Variants in TF observed in about 807,000 individuals in gnomAD.
TF encodes the protein transferrin, also known as serotransferrin.
A neutral mutation model predicts 82.4 loss-of-function variants in TF; 55 were observed. The ratio of observed to expected loss-of-function variants is 0.67; its 90% CI spans 0.54 to 0.84. The LOEUF (loss-of-function observed/expected upper bound fraction) is 0.84, where lower values mean the gene tolerates loss of function less well. TF is among the 40% of genes least tolerant of loss of function. The pLI, the probability that TF is intolerant of heterozygous loss-of-function variation, is 0.00. For synonymous variants in TF, 332 were observed against 332.6 expected, an observed-to-expected ratio of 1.00 and a Z score of 0.02; for missense variants, 737 against 868.4, an observed-to-expected ratio of 0.85 and a Z score of 1.90.
At chr3:133,677,931 T>A in the TF span, among the ~76,000 whole-genome samples, 219 of 152,296 alleles carry the variant, frequency 1.4e-3, no homozygotes, top group African/African-American at 4.8e-3. Flanking sequence ...TACATAGGTA[T>A]ACACATGCCA....
intron 15 of TF, among the ~76,000 whole-genome samples, 195 bp from the exon 16 acceptor site, chr3:133,776,854 G>T (rs1226468346): frequency 6.6e-6 from 1 of 152,074 alleles, no homozygotes; most frequent in Admixed American, 6.6e-5. Context: ...ATGATTTTGG[G>T]GGCATCATGA....
the TF span, among the ~76,000 whole-genome samples, chr3:133,679,337 T>C: frequency 6.6e-6 from 1 of 152,252 alleles, no homozygotes; most frequent in Admixed American, 6.5e-5. Context: ...GTCATTTTTA[T>C]TGATGTATGA....
chr3:133,726,461 T>A, the TF span, among the ~76,000 whole-genome samples: 9 of 152,342 alleles, frequency 5.9e-5, no homozygotes, highest in African/African-American at 1.9e-4. Context: ...GTTTGTAGTA[T>A]TCTCTGATGG....
At chr3:133,706,691 A>T in the TF span, among the ~76,000 whole-genome samples, 1 of 152,212 alleles carries the variant, frequency 6.6e-6, no homozygotes, top group African/African-American at 2.4e-5. Context: ...CTTCTGAGGC[A>T]GGAGGGCTGG....
At chr3:133,710,967 C>A in the TF span, among the ~76,000 whole-genome samples, 1 of 152,188 alleles carries the variant, frequency 6.6e-6, no homozygotes, top group African/African-American at 2.4e-5. Context: ...CCAGTGGCCT[C>A]CATACTGCTC....
At chr3:133,740,613 G>A in the TF span, among the ~76,000 whole-genome samples, 3 of 152,096 alleles carry the variant, frequency 2.0e-5, no homozygotes, top group South Asian at 2.1e-4. Flanking sequence ...TTACAGGCAT[G>A]AGCCACCGTG....
At chr3:133,713,648 T>C in the TF span, among the ~76,000 whole-genome samples, 2 of 152,252 alleles carry the variant, frequency 1.3e-5, no homozygotes, top group Non-Finnish European at 2.9e-5. Flanking sequence ...GTCATTCTCC[T>C]GGCCTTGCGT....
the TF span, among the ~76,000 whole-genome samples, chr3:133,720,913 T>G: frequency 6.6e-6 from 1 of 152,106 alleles, no homozygotes; most frequent in Admixed American, 6.5e-5. Flanking sequence ...TCTTATGATC[T>G]TTCATGTTTC....
intron 14 of TF, chr3:133,770,822 T>C: frequency 1.7e-6 from 1 of 577,208 alleles, no homozygotes; most frequent in South Asian, 2.1e-5. Flanking sequence ...CTTGTGCTCC[T>C]TTCCCCTAAA....
the TF span, among the ~76,000 whole-genome samples, chr3:133,678,163 A>T: frequency 5.9e-5 from 9 of 152,174 alleles, no homozygotes; most frequent in African/African-American, 2.2e-4. Flanking sequence ...TTCCAGCTTC[A>T]TCTATGTCCC....
chr3:133,771,725 C>T (rs1289039485), intron 14 of TF, among the ~76,000 whole-genome samples: 2 of 85,094 alleles, frequency 2.4e-5, no homozygotes, highest in East Asian at 3.3e-4. Context: ...GCCTGGGCGA[C>T]AGAGCGAGAC....
At chr3:133,674,930 T>G in the TF span, among the ~76,000 whole-genome samples, 1 of 151,344 alleles carries the variant, frequency 6.6e-6, no homozygotes, top group Non-Finnish European at 1.5e-5. Flanking sequence ...GATGAGAGAA[T>G]GCTTTTCACA....
chr3:133,771,763 A>AAAAAAAAAAAAAAAAC (rs1934265956), intron 14 of TF, among the ~76,000 whole-genome samples: 2 of 150,206 alleles, frequency 1.3e-5, no homozygotes, highest in South Asian at 2.1e-4. Context: ...AAAAAAAAAA[A>AAAAAAAAAAAAAAAAC]AAAGAATCAA....
intron 1 of TF, 176 bp from the exon 2 acceptor site, chr3:133,748,236 C>T: frequency 1.2e-6 from 1 of 840,004 alleles, no homozygotes; most frequent in Non-Finnish European, 1.9e-6. Flanking sequence ...TTAGGGCAAC[C>T]TTCTATTGGC....
At chr3:133,747,151 T>C (rs1553737883) in intron 1 of TF, 1 of 154,750 alleles carries the variant, frequency 6.5e-6, no homozygotes, top group Non-Finnish European at 1.4e-5. Flanking sequence ...CTGCCTGCCA[T>C]TCATGGGGCA....
In TF at chr3:133,766,308, C is replaced by A; in HGVS notation, c.1361C>A (p.Ser454Ter). Reference sequence around the variant, plus strand: ...TTTGCTATAGCAGTGGTGAAGAAATCAGCTTCTGACCTCACCTGGGACAAT... The same window carrying A: ...TTTGCTATAGCAGTGGTGAAGAAATAAGCTTCTGACCTCACCTGGGACAAT... ...GYFAIAVVKK[S>*]ASDLTWDNLK... The change falls in exon 12 of 17, where the codon TCA (serine) becomes TAA (stop). Residue 454 changes from serine (S) to a stop codon, truncating the protein, a stop_gained. Coordinates refer to ENST00000402696, the MANE Select transcript of TF (RefSeq NM_001063.4). LOFTEE classifies it high-confidence loss of function. The A allele has an allele frequency of 6.2e-7, 1 of 1,614,194 alleles. No homozygotes were observed. The highest frequency in any genetic ancestry group is 1.1e-5 in the South Asian group (1 of 91,076).
the TF span, among the ~76,000 whole-genome samples, chr3:133,685,752 T>A: frequency 2.1e-4 from 32 of 152,184 alleles, no homozygotes; most frequent in African/African-American, 6.7e-4. Context: ...AAGAATCAAT[T>A]TCGTGAAAAT....
chr3:133,754,688 C>T lies in TF; in HGVS notation c.502+17C>T, dbSNP rs1407670885. 6.2e-7 allele frequency: 1 copy of T among 1,613,962 alleles called. No individual in the cohort carries two copies. Among genetic ancestry groups the T allele is most frequent in the Non-Finnish European group, 8.5e-7 (1 of 1,179,966 alleles). On this transcript the variant is annotated intron_variant, in intron 4 of 16. Coordinates refer to ENST00000402696, the MANE Select transcript of TF (RefSeq NM_001063.4). ...TTGAGAAAGGTAAGCTGGCAGGAGTCTGGGTGCCCTCGAGCAGCTGCCTCT... is the reference window on the plus strand; with the variant it reads ...TTGAGAAAGGTAAGCTGGCAGGAGTTTGGGTGCCCTCGAGCAGCTGCCTCT...
the TF span, chr3:133,710,183 A>G: frequency 1.3e-5 from 2 of 152,450 alleles, no homozygotes; most frequent in African/African-American, 4.8e-5. Context: ...GACCATCCTC[A>G]TCTCTCTTAG....
Sources: allele counts gnomAD v4.1 joint callset (sites outside exome capture counted in the v4.1 genomes callset), GRCh38; gene constraint gnomAD v4.1.1; transcripts MANE v1.5; gene names NCBI Gene and HGNC (gene_info 2026-07-23, HGNC 2026-07-21).